The following WDFY4 variants were observed in gnomAD, a reference collection of about 807,000 sequenced individuals.
WDFY4 encodes WD repeat- and FYVE domain-containing protein 4.
A neutral mutation model predicts 351.9 loss-of-function variants in WDFY4; 169 were observed. The ratio of observed to expected loss-of-function variants is 0.48; its 90% confidence interval spans 0.42 to 0.55. The LOEUF is 0.55. WDFY4 is among the 20% of genes least tolerant of loss of function. The pLI is 0.00. For missense variants in WDFY4, 3,803 were observed against 3,935.6 expected, an observed-to-expected ratio of 0.97 and a Z score of 0.90; for synonymous variants, 1,622 against 1,574.6, an observed-to-expected ratio of 1.03 and a Z score of -0.71.
At chr10:48,929,894 G>C (rs964165492) in intron 47 of WDFY4, among the ~76,000 whole-genome samples, 7 of 152,044 alleles carry the variant, frequency 4.6e-5, no homozygotes, top group African/African-American at 1.7e-4. Context: ...TAATAAAGCA[G>C]ACTGACCTTC....
chr10:48,836,487 C>A (rs773065610), intron 39 of WDFY4, among the ~76,000 whole-genome samples: 2 of 152,190 alleles, frequency 1.3e-5, no homozygotes, highest in Admixed American at 1.3e-4. Flanking sequence ...AAACATTATT[C>A]ATTTGGTGTT....
intron 44 of WDFY4, among the ~76,000 whole-genome samples, chr10:48,893,916 C>G (rs1279692376): frequency 2.0e-5 from 3 of 152,152 alleles, no homozygotes; most frequent in Non-Finnish European, 2.9e-5. Flanking sequence ...TGAATGGCAG[C>G]CTCTGAACTA....
intron 39 of WDFY4, among the ~76,000 whole-genome samples, chr10:48,865,445 T>C (rs2940728): frequency 0.56 from 85,241 of 152,006 alleles, 25,164 homozygotes; most frequent in African/African-American, 0.75. Context: ...TAATTTTTTA[T>C]ATGTTGGTGG....
intron 47 of WDFY4, chr10:48,910,368 T>C: frequency 1.1e-6 from 1 of 932,950 alleles, no homozygotes; most frequent in South Asian, 1.3e-5. Context: ...ACCTTCAGGA[T>C]GGTCAGGTTA....
chr10:48,693,632 C>T (rs1370655036), intron 1 of WDFY4, among the ~76,000 whole-genome samples: 1 of 152,216 alleles, frequency 6.6e-6, no homozygotes, highest in African/African-American at 2.4e-5. Context: ...ACTTCACTGG[C>T]AGACACCTCT....
In WDFY4 at chr10:48,970,170, T is replaced by A; in HGVS notation, c.8809T>A (p.Cys2937Ser). 6.4e-7 allele frequency: 1 copy of A among 1,551,704 alleles called. No individual in the cohort carries two copies. The highest frequency in any genetic ancestry group is 8.7e-7 in the Non-Finnish European group (1 of 1,147,008). The part of the protein sequence containing the change: ...TFENLAAWGR[C>S]LCAVCPSPTT... ...CGAGAACCTGGCTGCCTGGGGCCGC[T>A]GTCTGTGCGCCGTGTGCCCATCCCC... Residue 2937 changes from cysteine to serine, a missense_variant, in exon 57 of 62, where the codon TGT (cysteine) becomes AGT (serine). Physicochemically the swap from Cys to Ser is moderately radical, Grantham distance 112. Coordinates refer to ENST00000325239, the MANE Select transcript of WDFY4 (RefSeq NM_001394531.1).
chr10:48,945,939 T>C, intron 49 of WDFY4, 101 bp from the exon 50 acceptor site: 1 of 808,448 alleles, frequency 1.2e-6, no homozygotes, highest in Non-Finnish European at 1.9e-6. Context: ...TCAGACCAAA[T>C]GACTGTAAAT....
intron 40 of WDFY4, among the ~76,000 whole-genome samples, chr10:48,871,402 A>G (rs1045229329): frequency 3.2e-4 from 48 of 152,034 alleles, no homozygotes; most frequent in Admixed American, 9.2e-4. Flanking sequence ...TGTTCATTCT[A>G]TGTGACCAAG....
intron 13 of WDFY4, 75 bp downstream of exon 13, chr10:48,760,515 G>A: frequency 6.9e-7 from 1 of 1,455,198 alleles, no homozygotes; most frequent in Non-Finnish European, 9.4e-7. Flanking sequence ...ACCCAAGACA[G>A]CTTTTTTCCT....
chr10:48,753,047 A>C (rs866356846), intron 12 of WDFY4, among the ~76,000 whole-genome samples: 1 of 152,134 alleles, frequency 6.6e-6, no homozygotes, highest in South Asian at 2.1e-4. Context: ...CCTTTAAAAA[A>C]TTTTTTAGCC....
intron 47 of WDFY4, among the ~76,000 whole-genome samples, chr10:48,909,282 T>A (rs904769443): frequency 2.0e-5 from 3 of 152,244 alleles, no homozygotes; most frequent in Non-Finnish European, 2.9e-5. Flanking sequence ...TTATTTTTAT[T>A]TTTTGTTTTT....
At chr10:48,913,299 CA>C in intron 47 of WDFY4, 5 of 1,225,436 alleles carry the variant, frequency 4.1e-6, no homozygotes, top group Non-Finnish European at 4.6e-6. Flanking sequence ...GCTGCAGCCA[CA>C]GGGGAGCCCT....
intron 30 of WDFY4, among the ~76,000 whole-genome samples, chr10:48,812,153 A>G (rs939648713): frequency 8.0e-5 from 12 of 149,238 alleles, no homozygotes; most frequent in Admixed American, 8.0e-4. Flanking sequence ...ACCTCATCCC[A>G]TAGTTATCCT....
intron 48 of WDFY4, among the ~76,000 whole-genome samples, chr10:48,942,909 C>T (rs1840853795): frequency 1.3e-5 from 2 of 152,202 alleles, no homozygotes; most frequent in Admixed American, 1.3e-4. Flanking sequence ...GCCAGACCAT[C>T]AAGCCTGGGA....
intron 13 of WDFY4, among the ~76,000 whole-genome samples, chr10:48,773,658 C>G (rs7919916): frequency 0.025 from 3,858 of 152,230 alleles, 153 homozygotes; most frequent in African/African-American, 0.088. Flanking sequence ...GCAGCATGTG[C>G]TTAGGACTGA....
At chr10:48,722,191 G>A (rs986759131) in intron 4 of WDFY4, among the ~76,000 whole-genome samples, 11 of 152,162 alleles carry the variant, frequency 7.2e-5, no homozygotes, top group African/African-American at 2.4e-4. Context: ...ACATGACCTG[G>A]GAAGTTAACT....
chr10:48,810,518 A>C lies in WDFY4; in HGVS notation c.4839-12A>C. The C allele has an allele frequency of 6.5e-7, 1 of 1,547,658 alleles. No homozygotes were observed. Among genetic ancestry groups the C allele is most frequent in the Non-Finnish European group, 8.7e-7 (1 of 1,145,582 alleles). ...GACTGAGAGAACATTGGTTGCATTT[A>C]TTAATCCCCAGGTCAAAGGAAGAGA... is the stretch of plus-strand genomic sequence containing the variant. On this transcript the variant is annotated splice_polypyrimidine_tract_variant and intron_variant, in intron 28 of 61. Transcript: ENST00000325239.
chr10:48,786,923 A>G lies in WDFY4; in HGVS notation c.3808+53A>G, dbSNP rs941690618. ...CTTGCTGATATTAGTTTTTAAATGG[A>G]CATCCAGTTATTTGTAGCAGATTTG... On this transcript the variant is annotated intron_variant, in intron 20 of 61. Coordinates refer to ENST00000325239, the MANE Select transcript of WDFY4 (RefSeq NM_001394531.1). The G allele has an allele frequency of 2.7e-5, 40 of 1,469,876 alleles. No individual in the cohort carries two copies. The African/African-American group carries it at 3.9e-4, about 14-fold the overall frequency. The allele number at this position is 1,469,876 out of a possible 1,614,324, so 91.1% of individuals were successfully genotyped here. A position where few individuals can be genotyped will look rare whatever the true frequency, so the allele number is the denominator to read the frequency against.
chr10:48,807,481 C>T (rs1006981446), intron 27 of WDFY4, among the ~76,000 whole-genome samples: 5 of 152,204 alleles, frequency 3.3e-5, no homozygotes, highest in African/African-American at 1.2e-4. Flanking sequence ...GAACAAAGAC[C>T]ATGGTCTTCA....
Sources: gnomAD v4.1 joint callset for allele counts (sites outside exome capture counted in the v4.1 genomes callset) on GRCh38, gnomAD v4.1.1 for gene constraint, MANE v1.5 for transcripts, NCBI Gene and HGNC (gene_info 2026-07-23, HGNC 2026-07-21) for gene names.